Variants in EDIL3 observed in about 807,000 individuals in gnomAD.
The protein encoded by EDIL3 is EGF-like repeat and discoidin I-like domain-containing protein 3.
A neutral mutation model predicts 67.4 loss-of-function variants in EDIL3; 37 were observed. The observed-to-expected ratio is 0.55, with a 90% CI of 0.42 to 0.72. EDIL3 has a LOEUF of 0.72. EDIL3 is among the 30% of genes least tolerant of loss of function. EDIL3 has a pLI of 0.00. For missense variants in EDIL3, 527 were observed against 586.3 expected, an observed-to-expected ratio of 0.90 and a Z score of 1.04; for synonymous variants, 195 against 196.3, an observed-to-expected ratio of 0.99 and a Z score of 0.05.
chr5:84,127,372 A>G (rs1388613071), intron 5 of EDIL3, among the ~76,000 whole-genome samples: 8 of 152,116 alleles, frequency 5.3e-5, no homozygotes, highest in Non-Finnish European at 1.5e-5. Flanking sequence ...AACGTGTATT[A>G]TTGACCAGAT....
chr5:84,160,977 T>C lies in EDIL3; in HGVS notation c.355+19416A>G, dbSNP rs146468267. On this transcript the variant is annotated intron_variant, in intron 4 of 10. Coordinates refer to ENST00000296591, the MANE Select transcript of EDIL3 (RefSeq NM_005711.5). ...ATGGTGTACAGTACCCATTATGTAG[T>C]CTTTTGTCCCTCACTCCCCACCCTT... Among the ~76,000 whole-genome samples, 98 of 152,060 alleles carry C rather than the reference T, an allele frequency of 6.4e-4. 1 individual carries two copies. Among genetic ancestry groups the C allele is most frequent in the African/African-American group, 2.3e-3 (95 of 41,506 alleles).
intron 1 of EDIL3, among the ~76,000 whole-genome samples, chr5:84,317,502 G>C (rs1195083932): frequency 6.6e-6 from 1 of 152,076 alleles, no homozygotes; most frequent in Non-Finnish European, 1.5e-5. Context: ...AGAAGAAATG[G>C]ATAAATTCCT....
At chr5:84,073,726 T>C (rs887721236) in intron 6 of EDIL3, among the ~76,000 whole-genome samples, 2 of 152,012 alleles carry the variant, frequency 1.3e-5, no homozygotes, top group Non-Finnish European at 2.9e-5. Flanking sequence ...GAACATTCCA[T>C]GCTCATGGGT....
In EDIL3 at chr5:84,371,319, G is replaced by GTATATA. The variant is rs71607709; in HGVS notation, c.67+12983_67+12988dup. 5.4e-3 allele frequency among the ~76,000 whole-genome samples: 619 copies of GTATATA among 115,488 alleles called. 5 individuals carry two copies. Among genetic ancestry groups the GTATATA allele is most frequent in the Non-Finnish European group, 6.2e-3 (333 of 53,812 alleles). 75.8% of individuals were successfully genotyped at this position (115,488 alleles called of 152,430 possible). A position where few individuals can be genotyped will look rare whatever the true frequency, so the allele number is the denominator to read the frequency against. On this transcript the variant is annotated intron_variant, in intron 1 of 10. Transcript: ENST00000296591. ...AGCAAGAGATACATATAGATAAAAA[G>GTATATA]TATATATATATATATATATATATGT...
chr5:84,285,482 C>T (rs1333081212), intron 1 of EDIL3, among the ~76,000 whole-genome samples: 1 of 152,104 alleles, frequency 6.6e-6, no homozygotes, highest in African/African-American at 2.4e-5. Context: ...CATTCTCATG[C>T]GTAGCACGGT....
chr5:84,190,547 A>ATGTGTGTGTGTGTGTGTGTG (rs1326799356), intron 3 of EDIL3, among the ~76,000 whole-genome samples: 1 of 62,236 alleles, frequency 1.6e-5, no homozygotes, highest in African/African-American at 5.4e-5. Flanking sequence ...ATATATATAT[A>ATGTGTGTGTGTGTGTGTGTG]TATATGTGTG....
In EDIL3 at chr5:83,963,437, A is replaced by C. The variant is rs1744639814; in HGVS notation, c.1138-77T>G. 4.3e-6 allele frequency: 6 copies of C among 1,409,804 alleles called. No individual in the cohort carries two copies. The East Asian group carries it at 1.4e-4, about 34-fold the overall frequency. The allele number at this position is 1,409,804 out of a possible 1,614,324, so 87.3% of individuals were successfully genotyped here. ...TTCCAAGTCTTTTGATGTCAAGAGA[A>C]TAAAACTATATATATCCTAAAATCA... On this transcript the variant is annotated intron_variant, in intron 9 of 10. Coordinates refer to ENST00000296591, the MANE Select transcript of EDIL3 (RefSeq NM_005711.5).
At chr5:83,983,384 T>A (rs1436155826) in intron 9 of EDIL3, among the ~76,000 whole-genome samples, 2 of 152,090 alleles carry the variant, frequency 1.3e-5, no homozygotes, top group Non-Finnish European at 2.9e-5. Flanking sequence ...TGAAAGAGAT[T>A]GGATCAGGAA....
intron 1 of EDIL3, among the ~76,000 whole-genome samples, chr5:84,295,649 C>G (rs1046638955): frequency 5.9e-5 from 9 of 151,870 alleles, no homozygotes; most frequent in African/African-American, 1.9e-4. Flanking sequence ...TTAATTTAAA[C>G]ATATTACTCT....
At chr5:84,145,356 T>G (rs1748273171) in intron 4 of EDIL3, among the ~76,000 whole-genome samples, 1 of 152,226 alleles carries the variant, frequency 6.6e-6, no homozygotes, top group East Asian at 1.9e-4. Context: ...TTCTGAAGCA[T>G]GCACAGGGAC....
intron 9 of EDIL3, among the ~76,000 whole-genome samples, chr5:84,045,656 A>C (rs556579504): frequency 2.0e-5 from 3 of 152,342 alleles, no homozygotes; most frequent in Non-Finnish European, 4.4e-5. Flanking sequence ...AATACAGAAA[A>C]GGCTTTGTCT....
rs151194968 is a variant in EDIL3 at position 83,953,030 on chromosome 5, C to T, written c.1294-9462G>A. ...GCAGGGGTGGCAAAGTGGAATCGTACAGCTGAAGCAGGGTGCCTAGGTGTG... is the reference window on the plus strand; with the variant it reads ...GCAGGGGTGGCAAAGTGGAATCGTATAGCTGAAGCAGGGTGCCTAGGTGTG... On this transcript the variant is annotated intron_variant, in intron 10 of 10. Transcript: ENST00000296591. Among the ~76,000 whole-genome samples, 1,057 of 151,818 alleles carry T rather than the reference C, an allele frequency of 7.0e-3. 12 individuals are homozygous for T. Among genetic ancestry groups the T allele is most frequent in the African/African-American group, 0.024 (1,016 of 41,480 alleles).
chr5:83,986,193 GTT>G (rs1745054841), intron 9 of EDIL3, among the ~76,000 whole-genome samples: 1 of 152,074 alleles, frequency 6.6e-6, no homozygotes, highest in Non-Finnish European at 1.5e-5. Context: ...GCAATAGCTA[GTT>G]TAAAAGAGCG....
At chr5:84,063,516 T>C (rs929009249) in intron 8 of EDIL3, among the ~76,000 whole-genome samples, 10 of 152,136 alleles carry the variant, frequency 6.6e-5, no homozygotes, top group Non-Finnish European at 1.5e-4. Context: ...TAAAATAGGC[T>C]CACTTGACTG....
At chr5:83,963,016 G>T (rs1043108162) in intron 10 of EDIL3, among the ~76,000 whole-genome samples, 189 bp downstream of exon 10, 1 of 151,390 alleles carries the variant, frequency 6.6e-6, no homozygotes, top group African/African-American at 2.4e-5. Flanking sequence ...TTTCCTCTAG[G>T]TTGCACCATT....
Position 84,161,902 on chromosome 5 carries a change from T to C in EDIL3, c.355+18491A>G, listed in dbSNP as rs571410790. Among the ~76,000 whole-genome samples the C allele has an allele frequency of 2.0e-5, 3 of 152,278 alleles. No individual in the cohort carries two copies. The East Asian group carries it at 5.8e-4, about 29-fold the overall frequency. ...CAATGTGGAAGACTAGGTTGGAATT[T>C]AGAACTCTAAATTTAGAACTAGGTT... On this transcript the variant is annotated intron_variant, in intron 4 of 10. Coordinates refer to ENST00000296591, the MANE Select transcript of EDIL3 (RefSeq NM_005711.5).
At chr5:84,267,695 A>G (rs758966378) in intron 1 of EDIL3, among the ~76,000 whole-genome samples, 3 of 152,238 alleles carry the variant, frequency 2.0e-5, no homozygotes, top group Non-Finnish European at 4.4e-5. Context: ...TTTCATACAT[A>G]CATTTGAATG....
intron 1 of EDIL3, among the ~76,000 whole-genome samples, chr5:84,362,093 C>A (rs1036198298): frequency 1.6e-4 from 25 of 151,878 alleles, no homozygotes; most frequent in African/African-American, 6.0e-4. Context: ...CCAAAGAAAC[C>A]CAGTTTTAAT....
intron 3 of EDIL3, among the ~76,000 whole-genome samples, chr5:84,221,715 AT>A (rs1215237314): frequency 6.6e-6 from 1 of 151,846 alleles, no homozygotes; most frequent in African/African-American, 2.4e-5. Context: ...ATATTGTAGC[AT>A]TTTTTTGGTT....
Sources: gnomAD v4.1 joint callset for allele counts (sites outside exome capture counted in the v4.1 genomes callset) on GRCh38, gnomAD v4.1.1 for gene constraint, MANE v1.5 for transcripts, NCBI Gene and HGNC (gene_info 2026-07-23, HGNC 2026-07-21) for gene names.